The following AKAP6 variants were observed in gnomAD, a reference collection of about 807,000 sequenced individuals.
AKAP6 encodes A-kinase anchor protein 6.
In AKAP6, 58 loss-of-function variants were observed where a neutral mutation model predicts 188.5. The ratio of observed to expected loss-of-function variants is 0.31; its 90% CI spans 0.25 to 0.38. The LOEUF (loss-of-function observed/expected upper bound fraction) is 0.38, where lower values mean the gene tolerates loss of function less well. Ranked by LOEUF, AKAP6 falls within the 10% of genes least tolerant of loss-of-function variation. The probability of loss-of-function intolerance (pLI) is 1.00; values close to 1 mark genes in which losing one functional copy is unlikely to be tolerated. For missense variants in AKAP6, 2,710 were observed against 2,740.0 expected (o/e 0.99, Z 0.24); for synonymous variants, 989 against 998.6 (o/e 0.99, Z 0.18).
chr14:32,684,263 C>T (rs1889815680), intron 8 of AKAP6, among the ~76,000 whole-genome samples: 1 of 152,110 alleles, frequency 6.6e-6, no homozygotes, highest in East Asian at 1.9e-4. Context: ...CCCTCCCTGC[C>T]AGGTGAACAT....
intron 7 of AKAP6, among the ~76,000 whole-genome samples, chr14:32,670,678 T>C (rs1889149445): frequency 6.6e-6 from 1 of 152,090 alleles, no homozygotes; most frequent in African/African-American, 2.4e-5. Context: ...ATTGTTGGTG[T>C]CTCCTCCAAA....
intron 12 of AKAP6, among the ~76,000 whole-genome samples, chr14:32,815,516 C>A (rs2034355418): frequency 6.6e-6 from 1 of 152,152 alleles, no homozygotes; most frequent in South Asian, 2.1e-4. Context: ...TGTCTTTTCT[C>A]ATTTGGTTAT....
At chr14:32,437,822 A>T (rs1594613133) in intron 2 of AKAP6, among the ~76,000 whole-genome samples, 1 of 150,398 alleles carries the variant, frequency 6.6e-6, no homozygotes, top group African/African-American at 2.4e-5. Context: ...CTGGTCTTGA[A>T]CTCTTGGGCT....
chr14:32,826,151 G>T lies in AKAP6; in HGVS notation c.*42+1336G>T, dbSNP rs193261634. On this transcript the variant is annotated intron_variant, in intron 13 of 13. Coordinates refer to ENST00000280979, the MANE Select transcript of AKAP6 (RefSeq NM_004274.5). ...AAAATGTGTGATTCTGTGTAGAGCTGCTAGAAATGGGGACTAAGGGGGGGC... is the reference window on the plus strand; with the variant it reads ...AAAATGTGTGATTCTGTGTAGAGCTTCTAGAAATGGGGACTAAGGGGGGGC... Among the ~76,000 whole-genome samples, 119 of 149,662 alleles carry T rather than the reference G, an allele frequency of 8.0e-4. 3 individuals carry two copies. The East Asian group carries it at 0.018, about 23-fold the overall frequency.
chr14:32,462,916 A>AACC (rs1555330711), intron 2 of AKAP6, among the ~76,000 whole-genome samples: 8 of 93,816 alleles, frequency 8.5e-5, no homozygotes, highest in African/African-American at 5.6e-4. Flanking sequence ...AAAAAAAAAA[A>AACC]AAAAAAAAAA....
At chr14:32,567,998 G>A (rs899424144) in intron 4 of AKAP6, among the ~76,000 whole-genome samples, 1 of 151,868 alleles carries the variant, frequency 6.6e-6, no homozygotes, top group Non-Finnish European at 1.5e-5. Flanking sequence ...GGGAGGGGCT[G>A]GAGAAGAGGA....
intron 5 of AKAP6, among the ~76,000 whole-genome samples, chr14:32,595,900 G>T (rs941870682): frequency 6.6e-6 from 1 of 151,978 alleles, no homozygotes; most frequent in South Asian, 2.1e-4. Flanking sequence ...TGAGGATAAG[G>T]ATTGTGTATT....
chr14:32,455,394 T>C (rs78110150), intron 2 of AKAP6, among the ~76,000 whole-genome samples: 5,634 of 152,330 alleles, frequency 0.037, 122 homozygotes, highest in East Asian at 0.1. Flanking sequence ...TAATTTTAGA[T>C]TTGAAATGAG....
At chr14:32,550,006 A>G (rs1353221108) in intron 4 of AKAP6, among the ~76,000 whole-genome samples, 1 of 152,216 alleles carries the variant, frequency 6.6e-6, no homozygotes, top group African/African-American at 2.4e-5. Flanking sequence ...TGAAAAAGTG[A>G]ATGAGTCCAG....
At chr14:32,365,508 G>T (rs1887804492) in intron 1 of AKAP6, among the ~76,000 whole-genome samples, 1 of 152,040 alleles carries the variant, frequency 6.6e-6, no homozygotes, top group Admixed American at 6.6e-5. Context: ...CTTGATTACT[G>T]ATCCCAATTC....
chr14:32,735,351 A>T (rs1429552123), intron 10 of AKAP6, among the ~76,000 whole-genome samples: 1 of 152,132 alleles, frequency 6.6e-6, no homozygotes, highest in Non-Finnish European at 1.5e-5. Flanking sequence ...TATCTTGCGA[A>T]CTATGGGCTA....
chr14:32,665,128 T>A (rs1888869317), intron 7 of AKAP6, among the ~76,000 whole-genome samples: 1 of 151,792 alleles, frequency 6.6e-6, no homozygotes, highest in Non-Finnish European at 1.5e-5. Context: ...TGGGGAGAGT[T>A]CTCCCCATAC....
chr14:32,695,306 C>G (rs1890357746), intron 8 of AKAP6, among the ~76,000 whole-genome samples: 1 of 152,138 alleles, frequency 6.6e-6, no homozygotes. Context: ...AAGCCTATCT[C>G]TGAGTGTTAA....
At position 32,823,136 on chromosome 14, in the gene AKAP6, G is replaced by A; in HGVS notation, c.5323G>A (p.Asp1775Asn). Residue 1775 changes from aspartate to asparagine, a missense_variant, in exon 13 of 14, where the codon GAC becomes AAC. This residue lies in a region of AKAP6 where 2,473 missense variants were observed against 2,426.1 expected (regional missense o/e 1.02). Transcript: ENST00000280979. ...EEELCIKDED[D>N]DSSIATDDEI... ...AGAGCTGTGCATCAAAGATGAGGAT[G>A]ACGACTCCAGTATTGCAACAGATGA... is the stretch of plus-strand genomic sequence containing the variant. 2 of 1,613,778 alleles carry A rather than the reference G, an allele frequency of 1.2e-6. No homozygotes were observed. The highest frequency in any genetic ancestry group is 1.7e-6 in the Non-Finnish European group (2 of 1,179,866).
chr14:32,569,871 G>T (rs1233746918), intron 4 of AKAP6, among the ~76,000 whole-genome samples: 2 of 152,052 alleles, frequency 1.3e-5, no homozygotes, highest in Admixed American at 1.3e-4. Flanking sequence ...GTAAAGATAG[G>T]CTCCAAAGAA....
chr14:32,781,362 A>G (rs569131044), intron 12 of AKAP6, among the ~76,000 whole-genome samples: 29 of 151,964 alleles, frequency 1.9e-4, no homozygotes, highest in African/African-American at 6.3e-4. Flanking sequence ...AAAAAAAAAA[A>G]AGAGAATATG....
At chr14:32,793,430 G>A (rs918620794) in intron 12 of AKAP6, among the ~76,000 whole-genome samples, 1 of 151,502 alleles carries the variant, frequency 6.6e-6, no homozygotes, top group African/African-American at 2.4e-5. Flanking sequence ...GATAAAGAAG[G>A]GCATTATATA....
At chr14:32,728,925 C>A (rs2031028692) in intron 9 of AKAP6, among the ~76,000 whole-genome samples, 1 of 152,166 alleles carries the variant, frequency 6.6e-6, no homozygotes, top group Non-Finnish European at 1.5e-5. Context: ...TAGGTGGAAG[C>A]CATCCCCCAA....
intron 2 of AKAP6, among the ~76,000 whole-genome samples, chr14:32,490,961 A>T (rs1241606939): frequency 6.6e-6 from 1 of 152,194 alleles, no homozygotes; most frequent in Non-Finnish European, 1.5e-5. Context: ...AGTGATGATA[A>T]TTTTATGTCG....
Sources: gnomAD v4.1 joint callset for allele counts (sites outside exome capture counted in the v4.1 genomes callset) on GRCh38, gnomAD v4.1.1 for gene constraint, gnomAD v4.1.1 regional missense constraint, MANE v1.5 for transcripts, NCBI Gene and HGNC (gene_info 2026-07-23, HGNC 2026-07-21) for gene names.